TTYH3: variants seen among roughly 807,000 people sequenced by gnomAD.
The protein encoded by TTYH3 is protein tweety homolog 3.
TTYH3 carries 23 observed loss-of-function variants against 68.2 expected under a neutral mutation model. The observed-to-expected ratio is 0.34, with a 90% CI of 0.24 to 0.48. The LOEUF is 0.48. TTYH3 is among the 20% of genes least tolerant of loss of function. TTYH3 has a pLI of 0.99. For synonymous variants in TTYH3, 360 were observed against 332.8 expected (o/e 1.08, Z -0.89); for missense variants, 768 against 727.7 (o/e 1.06, Z -0.64).
chr7:2,634,553 T>A (rs1283825479), intron 1 of TTYH3, among the ~76,000 whole-genome samples: 1 of 127,054 alleles, frequency 7.9e-6, no homozygotes, highest in Non-Finnish European at 1.7e-5. Flanking sequence ...GCCCCGTGGT[T>A]ATGGGGGCGG....
chr7:2,649,533 C>T lies in TTYH3; in HGVS notation c.723-34C>T. ...GCAGGTGGCACGGCCCCCACCCTGG[C>T]CTGGGGGCTGCTGACTGGCTGTCTC... is the stretch of plus-strand genomic sequence containing the variant. On this transcript the variant is annotated intron_variant, in intron 5 of 13. Transcript: ENST00000258796. The T allele has an allele frequency of 1.9e-6, 3 of 1,550,516 alleles. No homozygotes were observed. The South Asian group carries it at 3.5e-5, about 18-fold the overall frequency.
intron 5 of TTYH3, 56 bp downstream of exon 5, chr7:2,648,110 C>T (rs1786052752): frequency 5.9e-6 from 9 of 1,514,708 alleles, no homozygotes; most frequent in Non-Finnish European, 8.1e-6. Context: ...CAGGGCAAGG[C>T]ACCATGTTAC....
intron 1 of TTYH3, among the ~76,000 whole-genome samples, chr7:2,642,310 G>C (rs1270802900): frequency 2.0e-5 from 3 of 152,080 alleles, no homozygotes; most frequent in Non-Finnish European, 4.4e-5. Flanking sequence ...GGGGGACCGA[G>C]ATGGCAGATC....
At position 2,663,830 on chromosome 7, in the gene TTYH3, G is replaced by A. The variant is rs13188; in HGVS notation, c.*2091G>A. The A allele has an allele frequency of 0.15, 23,116 of 152,674 alleles. 1,808 individuals carry two copies. Among genetic ancestry groups the A allele is most frequent in the Middle Eastern group, 0.2 (59 of 294 alleles). The allele number at this position is 152,674 out of a possible 1,614,324, so 9.5% of individuals were successfully genotyped here. ...CTGACCGTGGTGTGCGTGTGTGCCC[G>A]TCTGTGACTTTCTACTCACCAAGGT... On this transcript the variant is annotated 3_prime_UTR_variant, in exon 14 of 14. Coordinates refer to ENST00000258796, the MANE Select transcript of TTYH3 (RefSeq NM_025250.3).
chr7:2,644,296 C>T (rs940418093), intron 1 of TTYH3, among the ~76,000 whole-genome samples: 1 of 152,152 alleles, frequency 6.6e-6, no homozygotes, highest in African/African-American at 2.4e-5. Context: ...CATTCCCAGC[C>T]CCACACAGGC....
intron 1 of TTYH3, among the ~76,000 whole-genome samples, chr7:2,642,159 C>T (rs1236006877): frequency 6.6e-6 from 1 of 152,250 alleles, no homozygotes; most frequent in Non-Finnish European, 1.5e-5. Flanking sequence ...CTTTGGGAGG[C>T]CGAGGCAGGT....
intron 7 of TTYH3, among the ~76,000 whole-genome samples, chr7:2,651,097 C>T (rs1179026162): frequency 1.3e-5 from 2 of 151,998 alleles, no homozygotes; most frequent in African/African-American, 4.8e-5. Flanking sequence ...TGTCGGACGG[C>T]ACAGAGGCAG....
rs771583069 is a variant in TTYH3 at position 2,647,162 on chromosome 7, T to G, written c.314T>G (p.Phe105Cys). ...TCCAGCGCCGGCATCGCAGTGGGAT[T>G]CTACGGCAACGGGGAGACCAGTGAT... ...LVCSAGIAVG[F>C]YGNGETSDGI... The change falls in exon 3 of 14, where the codon TTC becomes TGC. Residue 105 changes from phenylalanine (F) to cysteine (C), a missense_variant. Phe to Cys is a radical substitution (Grantham distance 205, BLOSUM62 -2). Transcript: ENST00000258796. 3 of 1,606,142 alleles carry G rather than the reference T, an allele frequency of 1.9e-6. No individual in the cohort carries two copies. The highest frequency in any genetic ancestry group is 3.4e-5 in the Admixed American group (2 of 59,366).
intron 7 of TTYH3, among the ~76,000 whole-genome samples, chr7:2,651,127 G>A (rs1166755226): frequency 6.6e-6 from 1 of 152,112 alleles, no homozygotes; most frequent in Non-Finnish European, 1.5e-5. Flanking sequence ...GGAATCTGGA[G>A]ATCGGGGTGC....
intron 1 of TTYH3, among the ~76,000 whole-genome samples, chr7:2,636,651 G>C (rs989359595): frequency 6.6e-6 from 1 of 152,012 alleles, no homozygotes; most frequent in East Asian, 1.9e-4. Flanking sequence ...ACCCTGCATT[G>C]GGGGGTGGAG....
chr7:2,637,516 G>A (rs188342621), intron 1 of TTYH3, among the ~76,000 whole-genome samples: 116 of 152,310 alleles, frequency 7.6e-4, no homozygotes, highest in Middle Eastern at 3.4e-3. Context: ...AGTGGATACA[G>A]CGTCAGCACA....
intron 9 of TTYH3, among the ~76,000 whole-genome samples, chr7:2,653,735 C>T (rs868225108): frequency 3.9e-5 from 6 of 152,302 alleles, no homozygotes; most frequent in African/African-American, 9.6e-5. Flanking sequence ...TGGTGGTACA[C>T]GCCTGTAATC....
At position 2,647,016 on chromosome 7, in the gene TTYH3, T is replaced by A. The variant is rs1168397983; in HGVS notation, c.287T>A (p.Val96Glu). 6.5e-7 allele frequency: 1 copy of A among 1,537,752 alleles called. No homozygotes were observed. Among genetic ancestry groups the A allele is most frequent in the Non-Finnish European group, 8.7e-7 (1 of 1,144,070 alleles). The change falls in exon 2 of 14, where the codon GTG becomes GAG. Residue 96 changes from valine to glutamate, a missense_variant. Coordinates refer to ENST00000258796, the MANE Select transcript of TTYH3 (RefSeq NM_025250.3). ...TAWCVIIATL[V>E]CSAGIAVGFY... Reference sequence around the variant, plus strand: ...TGGTGTGTCATCATCGCCACGCTGGTGTGCAGGTGAGCGCGGTGGGGCGGG... The same window carrying A: ...TGGTGTGTCATCATCGCCACGCTGGAGTGCAGGTGAGCGCGGTGGGGCGGG...
intron 13 of TTYH3, chr7:2,659,974 C>A (rs1251946500): frequency 7.7e-7 from 1 of 1,304,074 alleles, no homozygotes; most frequent in Admixed American, 2.3e-5. Context: ...GGCAGCCACG[C>A]GGGCTGGCAG....
chr7:2,640,155 C>T (rs1785797910), intron 1 of TTYH3, among the ~76,000 whole-genome samples: 1 of 152,238 alleles, frequency 6.6e-6, no homozygotes, highest in South Asian at 2.1e-4. Context: ...GCAGCCGTGG[C>T]TGGAATGGCA....
At chr7:2,638,538 G>A (rs989890572) in intron 1 of TTYH3, among the ~76,000 whole-genome samples, 4 of 152,104 alleles carry the variant, frequency 2.6e-5, no homozygotes, top group Non-Finnish European at 5.9e-5. Context: ...AGCCCCGGGG[G>A]GTGTGGGGCC....
In TTYH3 at chr7:2,647,134, C is replaced by T. The variant is rs1239297870; in HGVS notation, c.294-8C>T. 2 of 1,595,546 alleles carry T rather than the reference C, an allele frequency of 1.3e-6. No homozygotes were observed. Among genetic ancestry groups the T allele is most frequent in the Non-Finnish European group, 1.7e-6 (2 of 1,173,478 alleles). On this transcript the variant is annotated splice_polypyrimidine_tract_variant and splice_region_variant and intron_variant, in intron 2 of 13. Transcript: ENST00000258796. ...CGGGGCTACATCTCACGGGCCCGCC[C>T]TCTCCAGCGCCGGCATCGCAGTGGG...
In TTYH3 at chr7:2,647,695, G is replaced by T. The variant is rs947319807; in HGVS notation, c.626+57G>T. ...ACGTGGGAAAGCATCACCCTCCTTG[G>T]GCCAATTTTTGCTCTCAGCACCTAG... On this transcript the variant is annotated intron_variant, in intron 4 of 13. Coordinates refer to ENST00000258796, the MANE Select transcript of TTYH3 (RefSeq NM_025250.3). 4.5e-5 allele frequency: 69 copies of T among 1,516,738 alleles called. No homozygotes were observed. The Middle Eastern group carries it at 1.2e-3, about 26-fold the overall frequency. The allele number at this position is 1,516,738 out of a possible 1,614,324, so 94.0% of individuals were successfully genotyped here.
intron 1 of TTYH3, among the ~76,000 whole-genome samples, chr7:2,638,798 G>C (rs940081170): frequency 6.6e-6 from 1 of 152,186 alleles, no homozygotes; most frequent in African/African-American, 2.4e-5. Context: ...CACGTGTCCA[G>C]CTTGGCCGCA....
Sources: allele counts gnomAD v4.1 joint callset (sites outside exome capture counted in the v4.1 genomes callset), GRCh38; gene constraint gnomAD v4.1.1; transcripts MANE v1.5; gene names NCBI Gene and HGNC (gene_info 2026-07-23, HGNC 2026-07-21).